Variants in CCDC60 observed in about 807,000 individuals in gnomAD.
CCDC60 encodes the protein coiled-coil domain-containing protein 60.
Under a neutral mutation model 63.5 loss-of-function variants are expected in CCDC60, and 54 were observed. The observed-to-expected ratio is 0.85, with a 90% CI of 0.68 to 1.07. The LOEUF is 1.07. CCDC60 is among the 50% of genes least tolerant of loss of function. CCDC60 has a pLI of 0.00. For synonymous variants in CCDC60, 206 were observed against 238.8 expected, an observed-to-expected ratio of 0.86 and a Z score of 1.27; for missense variants, 651 against 684.3, an observed-to-expected ratio of 0.95 and a Z score of 0.54.
In CCDC60 at chr12:119,507,568, ATGT is replaced by A. The variant is rs1952059382; in HGVS notation, c.883+2266_883+2268del. On this transcript the variant is annotated intron_variant, in intron 7 of 13. Coordinates refer to ENST00000327554, the MANE Select transcript of CCDC60 (RefSeq NM_178499.5). ...TATATATACATATATATATATATAT[ATGT>A]ATATATACACATATATATACATATA... Among the ~76,000 whole-genome samples, 4 of 56,456 alleles carry A rather than the reference ATGT, an allele frequency of 7.1e-5. 1 individual carries two copies. The highest frequency in any genetic ancestry group is 2.0e-4 in the African/African-American group (2 of 9,828). The allele number at this position is 56,456 out of a possible 152,430, so 37.0% of individuals were successfully genotyped here.
chr12:119,362,320 C>T (rs540191662), intron 1 of CCDC60, among the ~76,000 whole-genome samples: 1 of 152,070 alleles, frequency 6.6e-6, no homozygotes, highest in South Asian at 2.1e-4. Flanking sequence ...TATCTATATA[C>T]CTGTTAACCA....
chr12:119,512,050 C>T (rs140773209), intron 7 of CCDC60, among the ~76,000 whole-genome samples: 1 of 152,280 alleles, frequency 6.6e-6, no homozygotes, highest in African/African-American at 2.4e-5. Flanking sequence ...TTATCACAGC[C>T]TAGATGGCTC....
At chr12:119,522,679 A>G (rs1952560499) in intron 9 of CCDC60, among the ~76,000 whole-genome samples, 1 of 152,224 alleles carries the variant, frequency 6.6e-6, no homozygotes, top group African/African-American at 2.4e-5. Context: ...TCAGATATAC[A>G]GGACTTGCTG....
chr12:119,379,626 G>A (rs1955988479), intron 1 of CCDC60, among the ~76,000 whole-genome samples: 1 of 152,218 alleles, frequency 6.6e-6, no homozygotes, highest in Admixed American at 6.5e-5. Flanking sequence ...GGGCTTTCTT[G>A]AAAGTATGTA....
intron 8 of CCDC60, among the ~76,000 whole-genome samples, chr12:119,517,845 C>T (rs776537703): frequency 2.3e-4 from 35 of 152,180 alleles, no homozygotes; most frequent in Admixed American, 9.2e-4. Flanking sequence ...TGGGAAGCCT[C>T]GTCCACAGAC....
At chr12:119,533,754 C>G (rs1165759748) in intron 13 of CCDC60, among the ~76,000 whole-genome samples, 1 of 151,982 alleles carries the variant, frequency 6.6e-6, no homozygotes, top group African/African-American at 2.4e-5. Context: ...TTTCTGAGGC[C>G]TCTGTTCTGT....
chr12:119,434,006 A>G (rs1053061643), intron 2 of CCDC60, among the ~76,000 whole-genome samples: 1 of 152,202 alleles, frequency 6.6e-6, no homozygotes, highest in African/African-American at 2.4e-5. Context: ...AGCGCTTTTT[A>G]TTGTGAATGT....
rs190636362 is a variant in CCDC60 at position 119,477,903 on chromosome 12, C to T, written c.342-1191C>T. ...CAGACAATTGATTCAATTGCACACACGCACACACACACACACTCACAGAGA... is the reference window on the plus strand; with the variant it reads ...CAGACAATTGATTCAATTGCACACATGCACACACACACACACTCACAGAGA... On this transcript the variant is annotated intron_variant, in intron 3 of 13. Transcript: ENST00000327554. 1.1e-4 allele frequency among the ~76,000 whole-genome samples: 17 copies of T among 152,010 alleles called. No homozygotes were observed. In the East Asian group the frequency reaches 1.2e-3, roughly 10 times the overall value.
At chr12:119,357,434 C>A (rs541530914) in intron 1 of CCDC60, among the ~76,000 whole-genome samples, 1 of 151,694 alleles carries the variant, frequency 6.6e-6, no homozygotes, top group Non-Finnish European at 1.5e-5. Context: ...TGCTATCATT[C>A]TATTCTCTAC....
intron 1 of CCDC60, among the ~76,000 whole-genome samples, chr12:119,417,081 T>C (rs180957446): frequency 5.1e-4 from 78 of 152,106 alleles, no homozygotes; most frequent in Non-Finnish European, 9.4e-4. Flanking sequence ...GATCGCGCCA[T>C]TGCACTCCAG....
At chr12:119,530,250 T>C (rs1179430108) in intron 12 of CCDC60, among the ~76,000 whole-genome samples, 1 of 147,136 alleles carries the variant, frequency 6.8e-6, no homozygotes, top group African/African-American at 2.5e-5. Flanking sequence ...GGCACATATA[T>C]AGCAAGGGGT....
chr12:119,500,135 A>G lies in CCDC60; in HGVS notation c.615A>G (p.Gly205=), dbSNP rs1283832645. ...AAATCAATAAGGACAAGTCCATGGG[A>G]CAGAAATGGGAGCATTTCATCACAG... The part of the protein sequence containing the change: ...IKKINKDKSM[G]QKWEHFITAP... The change falls in exon 6 of 14, where the codon GGA becomes GGG. Residue 205 remains glycine (G), a synonymous_variant. Transcript: ENST00000327554. 1.2e-6 allele frequency: 2 copies of G among 1,611,244 alleles called. No homozygotes were observed. Among genetic ancestry groups the G allele is most frequent in the Admixed American group, 3.4e-5 (2 of 59,232 alleles).
At chr12:119,340,615 G>T (rs2136141922) in intron 1 of CCDC60, among the ~76,000 whole-genome samples, 1 of 152,114 alleles carries the variant, frequency 6.6e-6, no homozygotes, top group African/African-American at 2.4e-5. Flanking sequence ...CAGCTGGGCT[G>T]CCTGGAGTCG....
rs1370946274 is a variant in CCDC60 at position 119,521,994 on chromosome 12, C to A, written c.1041-945C>A. On this transcript the variant is annotated intron_variant, in intron 9 of 13. Coordinates refer to ENST00000327554, the MANE Select transcript of CCDC60 (RefSeq NM_178499.5). ...GAGCTTCTGGGGAAACCAGCAAAGG[C>A]AGGACCTTTTCTATGGGGAGGGGTC... Among the ~76,000 whole-genome samples, 5 of 152,332 alleles carry A rather than the reference C, an allele frequency of 3.3e-5. 1 individual carries two copies. The East Asian group carries it at 9.7e-4, about 29-fold the overall frequency.
intron 2 of CCDC60, among the ~76,000 whole-genome samples, chr12:119,455,846 G>A (rs1378672993): frequency 6.8e-6 from 1 of 146,798 alleles, no homozygotes; most frequent in African/African-American, 2.5e-5. Context: ...AAGAAGGAAG[G>A]AAGGAAGAAA....
chr12:119,499,963 A>G, intron 5 of CCDC60, 115 bp from the exon 6 acceptor site: 2 of 785,952 alleles, frequency 2.5e-6, no homozygotes, highest in Non-Finnish European at 4.5e-6. Flanking sequence ...GTGGGGGAGG[A>G]AATCCTAACA....
intron 1 of CCDC60, among the ~76,000 whole-genome samples, chr12:119,353,548 CTA>C (rs1955680886): frequency 2.0e-5 from 3 of 149,450 alleles, no homozygotes; most frequent in Middle Eastern, 6.8e-3. Context: ...CTTTGTCTCT[CTA>C]TGTTTCTCTC....
chr12:119,436,376 C>T (rs528272219), intron 2 of CCDC60, among the ~76,000 whole-genome samples: 1 of 152,106 alleles, frequency 6.6e-6, no homozygotes, highest in South Asian at 2.1e-4. Flanking sequence ...AAAGGGATGC[C>T]AGAGGGTCCA....
At chr12:119,528,972 G>A (rs147557286) in intron 12 of CCDC60, among the ~76,000 whole-genome samples, 81 of 151,972 alleles carry the variant, frequency 5.3e-4, no homozygotes, top group East Asian at 7.8e-4. Flanking sequence ...AACCCATTGC[G>A]TTCTCCATAT....
Sources: gnomAD v4.1 joint callset for allele counts (sites outside exome capture counted in the v4.1 genomes callset) on GRCh38, gnomAD v4.1.1 for gene constraint, MANE v1.5 for transcripts, NCBI Gene and HGNC (gene_info 2026-07-23, HGNC 2026-07-21) for gene names.